Variants in UNC13B observed in about 807,000 individuals in gnomAD.
UNC13B encodes protein unc-13 homolog B.
A neutral mutation model predicts 211.0 loss-of-function variants in UNC13B; 144 were observed. The observed-to-expected ratio is 0.68, with a 90% CI of 0.60 to 0.78. The LOEUF is 0.78. UNC13B is among the 30% of genes least tolerant of loss of function. The pLI is 0.00. For synonymous variants in UNC13B, 709 were observed against 725.8 expected (o/e 0.98, Z 0.37); for missense variants, 1,777 against 2,002.0 (o/e 0.89, Z 2.14).
intron 11 of UNC13B, among the ~76,000 whole-genome samples, chr9:35,334,012 C>G (rs538299803): frequency 6.6e-5 from 10 of 151,106 alleles, no homozygotes; most frequent in Non-Finnish European, 1.3e-4. Context: ...GTCACCCAGG[C>G]TGGAGTGCAG....
chr9:35,212,848 G>A (rs962395551), intron 1 of UNC13B, among the ~76,000 whole-genome samples: 4 of 152,138 alleles, frequency 2.6e-5, no homozygotes, highest in African/African-American at 7.2e-5. Flanking sequence ...TGTTAATGAC[G>A]TGTTACTCCT....
chr9:35,344,806 G>C (rs2132031806), intron 11 of UNC13B, among the ~76,000 whole-genome samples: 1 of 152,318 alleles, frequency 6.6e-6, no homozygotes, highest in Middle Eastern at 3.4e-3. Context: ...TGTAGTGTGA[G>C]ATTCCAGGCC....
intron 1 of UNC13B, among the ~76,000 whole-genome samples, chr9:35,178,543 T>C (rs1393080339): frequency 6.6e-6 from 1 of 150,902 alleles, no homozygotes. Context: ...ACACATACAA[T>C]TGATTGCTCT....
At chr9:35,369,890 C>G (rs112925666) in intron 12 of UNC13B, among the ~76,000 whole-genome samples, 1 of 152,124 alleles carries the variant, frequency 6.6e-6, no homozygotes, top group African/African-American at 2.4e-5. Context: ...AGACTCTTGC[C>G]GTAGAGCCAC....
chr9:35,309,549 T>G (rs766286766), intron 9 of UNC13B, among the ~76,000 whole-genome samples: 22 of 152,136 alleles, frequency 1.4e-4, no homozygotes, highest in Non-Finnish European at 1.9e-4. Flanking sequence ...GGAAGTAACT[T>G]CTAGATACTG....
intron 1 of UNC13B, among the ~76,000 whole-genome samples, chr9:35,195,948 A>G (rs922742260): frequency 1.3e-5 from 2 of 152,232 alleles, no homozygotes; most frequent in Non-Finnish European, 2.9e-5. Context: ...ATGCAAATTA[A>G]TTATTGTAAC....
Position 35,305,411 on chromosome 9 carries a change from T to C in UNC13B, c.6007T>C (p.Ser2003Pro). 2 of 398,942 alleles carry C rather than the reference T, an allele frequency of 5.0e-6. No homozygotes were observed. The highest frequency in any genetic ancestry group is 8.8e-6 in the Non-Finnish European group (2 of 226,006). The allele number at this position is 398,942 out of a possible 1,614,324, so 24.7% of individuals were successfully genotyped here. Residue 2003 changes from serine (S) to proline (P), a missense_variant, in exon 9 of 40, where the codon TCT becomes CCT. Ser to Pro is a moderately conservative substitution (Grantham distance 74). Coordinates refer to ENST00000635942, the MANE Select transcript of UNC13B (RefSeq NM_001371189.2). ...TCCTATACAGACAACTGAAAATACGTCTGTTTCTTCAATGACTATTAAGGA... is the reference window on the plus strand; with the variant it reads ...TCCTATACAGACAACTGAAAATACGCCTGTTTCTTCAATGACTATTAAGGA... ...VSPIQTTENT[S>P]VSSMTIKDEV...
chr9:35,220,727 A>C (rs543999754), intron 1 of UNC13B, among the ~76,000 whole-genome samples: 2 of 152,308 alleles, frequency 1.3e-5, no homozygotes, highest in Non-Finnish European at 2.9e-5. Context: ...TGCTTCAATA[A>C]ATGTGGGAGT....
intron 10 of UNC13B, among the ~76,000 whole-genome samples, chr9:35,313,462 A>T (rs988947834): frequency 6.6e-6 from 1 of 151,876 alleles, no homozygotes; most frequent in Admixed American, 6.6e-5. Flanking sequence ...TCGTCTCTAC[A>T]AAAAGTACAG....
intron 5 of UNC13B, among the ~76,000 whole-genome samples, chr9:35,240,910 C>T (rs1825766791): frequency 1.3e-5 from 2 of 151,884 alleles, no homozygotes; most frequent in South Asian, 4.2e-4. Context: ...AAAAAATTAG[C>T]TGGGCAAGGT....
intron 5 of UNC13B, among the ~76,000 whole-genome samples, chr9:35,241,761 T>G (rs1202919073): frequency 2.6e-5 from 4 of 152,192 alleles, no homozygotes; most frequent in African/African-American, 9.7e-5. Context: ...TCTCCTTCTT[T>G]GTAACAGGTG....
At chr9:35,310,094 G>A (rs934487428) in intron 9 of UNC13B, among the ~76,000 whole-genome samples, 3 of 152,152 alleles carry the variant, frequency 2.0e-5, no homozygotes, top group African/African-American at 7.2e-5. Flanking sequence ...ATTAAAGAAA[G>A]ATTAATCACA....
chr9:35,164,783 A>G (rs181639966), intron 1 of UNC13B, among the ~76,000 whole-genome samples: 6 of 152,304 alleles, frequency 3.9e-5, no homozygotes, highest in Admixed American at 3.3e-4. Context: ...CTAACAGTCT[A>G]CTTTTTTTGT....
chr9:35,308,183 A>G lies in UNC13B; in HGVS notation c.8779A>G (p.Asn2927Asp). The G allele has an allele frequency of 2.5e-6, 1 of 399,718 alleles. No individual in the cohort carries two copies. 24.8% of individuals were successfully genotyped at this position (399,718 alleles called of 1,614,324 possible). Residue 2927 changes from asparagine to aspartate, a missense_variant, in exon 9 of 40, where the codon AAC becomes GAC. By Grantham distance (23) the Asn-to-Asp change is conservative. Coordinates refer to ENST00000635942, the MANE Select transcript of UNC13B (RefSeq NM_001371189.2). The part of the protein sequence containing the change: ...QGLSGSGEGG[N>D]QQEISASGEH... ...GCTTTCAGGGTCTGGAGAAGGGGGA[A>G]ACCAGCAGGAAATCTCAGCATCTGG...
Position 35,375,161 on chromosome 9 carries a change from C to T in UNC13B, c.9575C>T (p.Ser3192Phe). Reference protein sequence around the residue: ...LVQSRKAGITSAMATRTSLKD... With the variant: ...LVQSRKAGITFAMATRTSLKD... Reference sequence around the variant, plus strand: ...CAGTCTCGGAAGGCAGGAATCACTTCTGCAATGGCTACACGCACTTCTCTT... The same window carrying T: ...CAGTCTCGGAAGGCAGGAATCACTTTTGCAATGGCTACACGCACTTCTCTT... The change falls in exon 14 of 40, where the codon TCT becomes TTT. Residue 3192 changes from serine to phenylalanine, a missense_variant. Coordinates refer to ENST00000635942, the MANE Select transcript of UNC13B (RefSeq NM_001371189.2). 6.2e-7 allele frequency: 1 copy of T among 1,614,198 alleles called. No homozygotes were observed. Among genetic ancestry groups the T allele is most frequent in the Non-Finnish European group, 8.5e-7 (1 of 1,179,992 alleles).
At chr9:35,382,916 T>C (rs557340861) in intron 21 of UNC13B, among the ~76,000 whole-genome samples, 1 of 152,314 alleles carries the variant, frequency 6.6e-6, no homozygotes, top group African/African-American at 2.4e-5. Context: ...TGCTTAAAAT[T>C]CAGATAGCTA....
intron 6 of UNC13B, among the ~76,000 whole-genome samples, chr9:35,246,831 T>A (rs868019675): frequency 1.3e-5 from 2 of 152,158 alleles, no homozygotes; most frequent in Non-Finnish European, 2.9e-5. Context: ...CTTGGCAATG[T>A]GGGCTCTTTT....
intron 3 of UNC13B, among the ~76,000 whole-genome samples, chr9:35,232,793 A>T (rs1825287675): frequency 6.6e-6 from 1 of 152,208 alleles, no homozygotes; most frequent in African/African-American, 2.4e-5. Context: ...TATTTTGGTC[A>T]GTTGAAGCCA....
At chr9:35,241,451 A>G (rs1165752320) in intron 5 of UNC13B, among the ~76,000 whole-genome samples, 1 of 152,070 alleles carries the variant, frequency 6.6e-6, no homozygotes, top group Non-Finnish European at 1.5e-5. Flanking sequence ...TAATGGTTTA[A>G]AAAGTTATCC....
Sources: gnomAD v4.1 joint callset for allele counts (sites outside exome capture counted in the v4.1 genomes callset) on GRCh38, gnomAD v4.1.1 for gene constraint, MANE v1.5 for transcripts, NCBI Gene and HGNC (gene_info 2026-07-23, HGNC 2026-07-21) for gene names.